Variants in CACNG2 observed in about 807,000 individuals in gnomAD.
The protein encoded by CACNG2 is voltage-dependent calcium channel gamma-2 subunit.
A neutral mutation model predicts 25.9 loss-of-function variants in CACNG2; 3 were observed. That is an observed-to-expected ratio of 0.12 (90% CI 0.05 to 0.30). CACNG2 has a LOEUF of 0.30. Ranked by LOEUF, CACNG2 falls within the 10% of genes least tolerant of loss-of-function variation. The pLI, the probability that CACNG2 is intolerant of heterozygous loss-of-function variation, is 1.00. For synonymous variants in CACNG2, 167 were observed against 173.3 expected (o/e 0.96, Z 0.29); for missense variants, 341 against 432.5 (o/e 0.79, Z 1.88).
Position 36,564,654 on chromosome 22 carries a change from G to C in CACNG2, c.669C>G (p.Ile223Met), listed in dbSNP as rs758357916. The change falls in exon 4 of 4, where the codon ATC (isoleucine) becomes ATG (methionine). Residue 223 changes from isoleucine to methionine, a missense_variant. Ile to Met is a conservative substitution (Grantham distance 10). Coordinates refer to ENST00000300105, the MANE Select transcript of CACNG2 (RefSeq NM_006078.5). This position sits in a 1 kb window ranked among gnomAD's most constrained non-coding sequence, Gnocchi z 6.7. ...RATDYLQASA[I>M]TRIPSYRYRY... ...GGTAGCGGTAGCTGGGGATGCGGGT[G>C]ATGGCAGAGGCCTGGAGGTAGTCCG... 1.9e-6 allele frequency: 3 copies of C among 1,613,946 alleles called. No individual in the cohort carries two copies. Among genetic ancestry groups the C allele is most frequent in the Admixed American group, 1.7e-5 (1 of 60,036 alleles).
chr22:36,647,687 CT>C (rs1936547502), intron 1 of CACNG2, among the ~76,000 whole-genome samples: 1 of 152,196 alleles, frequency 6.6e-6, no homozygotes, highest in Non-Finnish European at 1.5e-5. Flanking sequence ...TCTCAATTTG[CT>C]GTCCCACCTC....
Position 36,564,683 on chromosome 22 carries a change from C to T in CACNG2, c.640G>A (p.Ala214Thr), listed in dbSNP as rs139052540. ...RHKQLRATAR[A>T]TDYLQASAIT... ...GCAGAGGCCTGGAGGTAGTCCGTGG[C>T]GCGGGCCGTGGCCCGCAGCTGTTTG... is the stretch of plus-strand genomic sequence containing the variant. The change falls in exon 4 of 4, where the codon GCC becomes ACC. Residue 214 changes from alanine to threonine, a missense_variant. Coordinates refer to ENST00000300105, the MANE Select transcript of CACNG2 (RefSeq NM_006078.5). The surrounding 1 kb of genome is among the most constrained non-coding windows in gnomAD (Gnocchi z 6.7). The T allele has an allele frequency of 6.3e-4, 1,017 of 1,613,930 alleles. No individual in the cohort carries two copies. The highest frequency in any genetic ancestry group is 1.6e-3 in the Admixed American group (95 of 60,030).
At chr22:36,639,835 C>T (rs1196305467) in intron 1 of CACNG2, among the ~76,000 whole-genome samples, 1 of 152,166 alleles carries the variant, frequency 6.6e-6, no homozygotes, top group Non-Finnish European at 1.5e-5. Context: ...GTACTGGCTC[C>T]CTAGAGACAG....
chr22:36,670,600 T>C (rs77710077), intron 1 of CACNG2, among the ~76,000 whole-genome samples: 3,797 of 149,080 alleles, frequency 0.025, 170 homozygotes, highest in African/African-American at 0.091. Flanking sequence ...GCTACCTGTT[T>C]TTTGTTTTTT....
intron 2 of CACNG2, chr22:36,584,391 T>A (rs968895799): frequency 6.6e-6 from 1 of 152,178 alleles, no homozygotes; most frequent in African/African-American, 2.4e-5. Flanking sequence ...GAAGCAGAGG[T>A]TTGGCATTAC....
chr22:36,565,070 T>C (rs888707139), intron 3 of CACNG2, among the ~76,000 whole-genome samples, 184 bp from the exon 4 acceptor site: 1 of 152,214 alleles, frequency 6.6e-6, no homozygotes, highest in Non-Finnish European at 1.5e-5. Context: ...ACATTTTATC[T>C]TTCCATTCAG....
chr22:36,665,989 G>C (rs1303461945), intron 1 of CACNG2, among the ~76,000 whole-genome samples: 1 of 152,194 alleles, frequency 6.6e-6, no homozygotes, highest in African/African-American at 2.4e-5. Context: ...CGGATGAATG[G>C]ATAAGCAAAA....
chr22:36,564,542 T>G lies in CACNG2; in HGVS notation c.781A>C (p.Asn261His), dbSNP rs200227696. Reference sequence around the variant, plus strand: ...GAGATCTCCGTGGACGGCAGGGTGTTGAAGCCCTTGATGCCCACGGGGGAG... The same window carrying G: ...GAGATCTCCGTGGACGGCAGGGTGTGGAAGCCCTTGATGCCCACGGGGGAG... ...DASPVGIKGFNTLPSTEISMY... is the reference protein window; with the variant it reads ...DASPVGIKGFHTLPSTEISMY... The change falls in exon 4 of 4, where the codon AAC (asparagine) becomes CAC (histidine). Residue 261 changes from asparagine (N) to histidine (H), a missense_variant. Coordinates refer to ENST00000300105, the MANE Select transcript of CACNG2 (RefSeq NM_006078.5). The surrounding 1 kb of genome is among the most constrained non-coding windows in gnomAD (Gnocchi z 6.7). 6 of 1,614,100 alleles carry G rather than the reference T, an allele frequency of 3.7e-6. No homozygotes were observed. In the Admixed American group the frequency reaches 1.0e-4, roughly 27 times the overall value.
chr22:36,687,566 T>C (rs1209270479), intron 1 of CACNG2, among the ~76,000 whole-genome samples: 1 of 152,244 alleles, frequency 6.6e-6, no homozygotes, highest in Non-Finnish European at 1.5e-5. Context: ...ACATTCCCTG[T>C]GGTCGGCAGA....
chr22:36,574,672 C>G (rs543029946), intron 2 of CACNG2, among the ~76,000 whole-genome samples: 1 of 152,334 alleles, frequency 6.6e-6, no homozygotes, highest in East Asian at 1.9e-4. Flanking sequence ...AACCCAGCTA[C>G]TTGGGAAGCT....
At chr22:36,607,091 T>C (rs147732829) in intron 1 of CACNG2, among the ~76,000 whole-genome samples, 26 of 152,168 alleles carry the variant, frequency 1.7e-4, no homozygotes, top group South Asian at 2.1e-4. Flanking sequence ...TGTGACCAGA[T>C]CTGTTTGCCC....
intron 1 of CACNG2, among the ~76,000 whole-genome samples, chr22:36,588,820 C>T (rs1935543918): frequency 6.6e-6 from 1 of 152,138 alleles, no homozygotes; most frequent in South Asian, 2.1e-4. Flanking sequence ...TTGACTGTGT[C>T]CAGCCACCAA....
intron 1 of CACNG2, among the ~76,000 whole-genome samples, chr22:36,644,952 A>C (rs992335576): frequency 6.6e-6 from 1 of 152,238 alleles, no homozygotes; most frequent in Non-Finnish European, 1.5e-5. Flanking sequence ...CTGTGATGAC[A>C]GATGACATAG....
Position 36,619,493 on chromosome 22 carries a change from G to T in CACNG2, c.212-31945C>A, listed in dbSNP as rs1325059768. Reference sequence around the variant, plus strand: ...CCGAAGTGTCTATTGAGTTCACTACGCTTTGTCCAATATGTACCAAGTGTT... The same window carrying T: ...CCGAAGTGTCTATTGAGTTCACTACTCTTTGTCCAATATGTACCAAGTGTT... On this transcript the variant is annotated intron_variant, in intron 1 of 3. Coordinates refer to ENST00000300105, the MANE Select transcript of CACNG2 (RefSeq NM_006078.5). 4.6e-5 allele frequency among the ~76,000 whole-genome samples: 7 copies of T among 152,176 alleles called. No individual in the cohort carries two copies. The South Asian group carries it at 1.0e-3, about 23-fold the overall frequency.
chr22:36,661,023 C>T (rs1024743170), intron 1 of CACNG2, among the ~76,000 whole-genome samples: 9 of 152,222 alleles, frequency 5.9e-5, no homozygotes, highest in Admixed American at 1.3e-4. Context: ...TGCCAATGAC[C>T]TGTGTCAGTG....
intron 1 of CACNG2, among the ~76,000 whole-genome samples, chr22:36,624,782 G>A (rs1936158768): frequency 1.3e-5 from 2 of 151,920 alleles, no homozygotes; most frequent in Non-Finnish European, 2.9e-5. Context: ...GTAATCCCAG[G>A]ACTTTGGGAG....
intron 1 of CACNG2, among the ~76,000 whole-genome samples, chr22:36,690,004 A>G (rs1020414698): frequency 4.6e-5 from 7 of 152,224 alleles, no homozygotes; most frequent in African/African-American, 1.7e-4. Context: ...AATGTGGGAT[A>G]TTTATGCATT....
Position 36,561,335 on chromosome 22 carries a change from A to G in CACNG2, c.*3016T>C, listed in dbSNP as rs1282273061. Reference sequence around the variant, plus strand: ...CATCCTTGATCCCTTTAGGTCTGGAATCTGGTGGGATGGCGGGCAAGATTG... The same window carrying G: ...CATCCTTGATCCCTTTAGGTCTGGAGTCTGGTGGGATGGCGGGCAAGATTG... On this transcript the variant is annotated 3_prime_UTR_variant, in exon 4 of 4. Transcript: ENST00000300105. 1 of 152,210 alleles carries G rather than the reference A, an allele frequency of 6.6e-6. No individual in the cohort carries two copies. Among genetic ancestry groups the G allele is most frequent in the African/African-American group, 2.4e-5 (1 of 41,406 alleles). 9.4% of individuals were successfully genotyped at this position (152,210 alleles called of 1,614,324 possible).
At position 36,606,888 on chromosome 22, in the gene CACNG2, T is replaced by C. The variant is rs1252881879; in HGVS notation, c.212-19340A>G. On this transcript the variant is annotated intron_variant, in intron 1 of 3. Coordinates refer to ENST00000300105, the MANE Select transcript of CACNG2 (RefSeq NM_006078.5). This position sits in a 1 kb window ranked among gnomAD's most constrained non-coding sequence, Gnocchi z 5.7. ...GTGTATGTCTGTGTGTGAGTCTGTG[T>C]GTGTGTCTGTGGTGTGTGTATGCAT... Among the ~76,000 whole-genome samples, 3 of 151,688 alleles carry C rather than the reference T, an allele frequency of 2.0e-5. No homozygotes were observed. Among genetic ancestry groups the C allele is most frequent in the Non-Finnish European group, 2.9e-5 (2 of 67,890 alleles).
Sources: allele counts gnomAD v4.1 joint callset (sites outside exome capture counted in the v4.1 genomes callset), GRCh38; gene constraint gnomAD v4.1.1; non-coding constraint Gnocchi (gnomAD v3.1); transcripts MANE v1.5; gene names NCBI Gene and HGNC (gene_info 2026-07-23, HGNC 2026-07-21).